Variants in LRP1B observed in about 807,000 individuals in gnomAD.
LRP1B encodes the protein LDL receptor related protein 1B, also known as low-density lipoprotein receptor-related protein 1B.
LRP1B carries 217 observed loss-of-function variants against 556.6 expected under a neutral mutation model. The ratio of observed to expected loss-of-function variants is 0.39; its 90% CI spans 0.35 to 0.44. The LOEUF (loss-of-function observed/expected upper bound fraction) is 0.44. Among genes scored for constraint, LRP1B ranks in the 20% least tolerant of loss-of-function variants. LRP1B has a pLI of 1.00. For missense variants in LRP1B, 5,053 were observed against 5,620.8 expected (o/e 0.90, Z 3.23); for synonymous variants, 2,047 against 1,865.8 (o/e 1.10, Z -2.50).
chr2:141,903,556 C>T (rs907508170), intron 1 of LRP1B, among the ~76,000 whole-genome samples: 4 of 151,820 alleles, frequency 2.6e-5, no homozygotes, highest in African/African-American at 9.7e-5. Flanking sequence ...ATTTTAACAT[C>T]TGTTAAGTTG....
chr2:141,113,371 G>T (rs1700802030), intron 7 of LRP1B, among the ~76,000 whole-genome samples: 1 of 152,128 alleles, frequency 6.6e-6, no homozygotes, highest in Admixed American at 6.5e-5. Flanking sequence ...TAAAAAAAAT[G>T]AGGGTGACTT....
intron 35 of LRP1B, among the ~76,000 whole-genome samples, chr2:140,745,724 A>G (rs546427598): frequency 1.6e-4 from 24 of 152,122 alleles, no homozygotes; most frequent in Admixed American, 6.6e-4. Context: ...TTCCTACCCA[A>G]TGTAATAGTC....
chr2:142,035,444 A>AGTGGAGC (rs1703843436), intron 1 of LRP1B, among the ~76,000 whole-genome samples: 1 of 151,598 alleles, frequency 6.6e-6, no homozygotes, highest in African/African-American at 2.4e-5. Context: ...ATTCCAGGGT[A>AGTGGAGC]GTGGAGCACA....
intron 41 of LRP1B, among the ~76,000 whole-genome samples, chr2:140,609,851 A>G (rs757901145): frequency 6.6e-6 from 1 of 152,106 alleles, no homozygotes; most frequent in Non-Finnish European, 1.5e-5. Context: ...CAGCAACTCT[A>G]GGTAATAAAA....
At chr2:141,868,285 A>G (rs1034592942) in intron 1 of LRP1B, among the ~76,000 whole-genome samples, 1 of 152,080 alleles carries the variant, frequency 6.6e-6, no homozygotes, top group Non-Finnish European at 1.5e-5. Context: ...GTGAGAAGCA[A>G]CTGGATTGCC....
intron 66 of LRP1B, among the ~76,000 whole-genome samples, chr2:140,406,112 C>T (rs191251249): frequency 1.7e-3 from 260 of 152,122 alleles, no homozygotes; most frequent in Admixed American, 3.1e-3. Context: ...TTAACTGATA[C>T]AGAAATAAGC....
chr2:140,431,083 C>A (rs1047916398), intron 66 of LRP1B, among the ~76,000 whole-genome samples: 1 of 152,198 alleles, frequency 6.6e-6, no homozygotes, highest in African/African-American at 2.4e-5. Flanking sequence ...CTTCCCACCT[C>A]TATACAGTCC....
At chr2:140,741,206 C>T (rs1457932914) in intron 35 of LRP1B, among the ~76,000 whole-genome samples, 1 of 152,188 alleles carries the variant, frequency 6.6e-6, no homozygotes, top group Non-Finnish European at 1.5e-5. Context: ...ATCAGCTTCA[C>T]ATTTCCAGGG....
intron 3 of LRP1B, among the ~76,000 whole-genome samples, chr2:141,391,209 AAATTCTATG>A (rs1221995508): frequency 3.3e-5 from 5 of 152,224 alleles, no homozygotes; most frequent in Non-Finnish European, 5.9e-5. Context: ...TTTGTGCTAT[AAATTCTATG>A]ATTTTAGTGA....
intron 3 of LRP1B, among the ~76,000 whole-genome samples, chr2:141,462,753 G>A (rs554484856): frequency 7.2e-5 from 11 of 152,192 alleles, no homozygotes; most frequent in African/African-American, 2.6e-4. Flanking sequence ...GAAAGTTTAA[G>A]TTTCTATACG....
At chr2:141,393,302 A>G (rs1267103789) in intron 3 of LRP1B, among the ~76,000 whole-genome samples, 2 of 152,168 alleles carry the variant, frequency 1.3e-5, no homozygotes, top group East Asian at 3.8e-4. Context: ...ATAAAACTCT[A>G]ACAGCACCGC....
chr2:141,908,421 T>C (rs1699817186), intron 1 of LRP1B, among the ~76,000 whole-genome samples: 2 of 152,072 alleles, frequency 1.3e-5, no homozygotes, highest in South Asian at 4.1e-4. Context: ...ATAAGACAGG[T>C]AAGATTCTTT....
chr2:140,342,666 C>A (rs1007054239), intron 77 of LRP1B, among the ~76,000 whole-genome samples: 1 of 151,474 alleles, frequency 6.6e-6, no homozygotes, highest in African/African-American at 2.4e-5. Flanking sequence ...ACTCCATACT[C>A]ACGTATACGT....
rs1251729743 is a variant in LRP1B, at chr2:141,011,229, C to G, written c.2380+2327G>C. Among the ~76,000 whole-genome samples the G allele has an allele frequency of 2.0e-5, 3 of 149,330 alleles. No individual in the cohort carries two copies. In the East Asian group the frequency reaches 5.9e-4, roughly 29 times the overall value. On this transcript the variant is annotated intron_variant, in intron 14 of 90. Transcript: ENST00000389484. ...GAAAAAAAAAAACAGTCTAACAGGA[C>G]AATATGAAACCATTTATAGGACACA...
chr2:142,092,692 T>C (rs1226978370), intron 1 of LRP1B, among the ~76,000 whole-genome samples: 1 of 151,844 alleles, frequency 6.6e-6, no homozygotes, highest in Non-Finnish European at 1.5e-5. Context: ...TAGGTTTTAA[T>C]GGTAGGAAAA....
chr2:141,645,855 A>T (rs1689543541), intron 2 of LRP1B, among the ~76,000 whole-genome samples: 1 of 152,078 alleles, frequency 6.6e-6, no homozygotes. Flanking sequence ...CCATATAAAT[A>T]AATAACTACA....
intron 86 of LRP1B, among the ~76,000 whole-genome samples, chr2:140,253,918 G>C (rs1300291395): frequency 6.6e-6 from 1 of 152,128 alleles, no homozygotes; most frequent in Non-Finnish European, 1.5e-5. Context: ...CTAGTGGAAA[G>C]CTCCCAAGAT....
chr2:141,500,271 C>T (rs1213695991), intron 2 of LRP1B, among the ~76,000 whole-genome samples: 1 of 152,130 alleles, frequency 6.6e-6, no homozygotes, highest in Admixed American at 6.6e-5. Flanking sequence ...TGTCTTGTCA[C>T]ATCTCCACAA....
At chr2:140,301,586 C>CT (rs1362277526) in intron 83 of LRP1B, among the ~76,000 whole-genome samples, 1 of 151,894 alleles carries the variant, frequency 6.6e-6, no homozygotes, top group African/African-American at 2.4e-5. Context: ...GAAGGTACAG[C>CT]TTTTTTTAAT....
Sources: allele counts gnomAD v4.1 joint callset (sites outside exome capture counted in the v4.1 genomes callset), GRCh38; gene constraint gnomAD v4.1.1; transcripts MANE v1.5; gene names NCBI Gene and HGNC (gene_info 2026-07-23, HGNC 2026-07-21).